Variants in MMP16 observed in about 807,000 individuals in gnomAD.
The protein encoded by MMP16 is matrix metalloproteinase-16.
In MMP16, 12 loss-of-function variants were observed where a neutral mutation model predicts 67.8. That is an observed-to-expected ratio of 0.18 (90% confidence interval 0.11 to 0.29). MMP16 has a LOEUF of 0.29. MMP16 is among the 10% of genes least tolerant of loss of function. MMP16 has a pLI of 1.00. For missense variants in MMP16, 475 were observed against 765.7 expected (o/e 0.62, Z 4.48); for synonymous variants, 249 against 255.9 (o/e 0.97, Z 0.26).
In MMP16 at chr8:88,154,875, A is replaced by G. The variant is rs1438626423; in HGVS notation, c.709+12794T>C. Reference sequence around the variant, plus strand: ...TAAAACTTAAAGTATAATACAAAAAAAAAAAGAAAAAAAAAAGAAATACGT... The same window carrying G: ...TAAAACTTAAAGTATAATACAAAAAGAAAAAGAAAAAAAAAAGAAATACGT... On this transcript the variant is annotated intron_variant, in intron 4 of 9. Transcript: ENST00000286614. 5.9e-5 allele frequency among the ~76,000 whole-genome samples: 9 copies of G among 152,000 alleles called. No individual in the cohort carries two copies. The South Asian group carries it at 8.3e-4, about 14-fold the overall frequency.
At chr8:88,105,243 G>C (rs1024089872) in intron 6 of MMP16, among the ~76,000 whole-genome samples, 1 of 149,970 alleles carries the variant, frequency 6.7e-6, no homozygotes, top group East Asian at 2.0e-4. Context: ...ATCTGGGTTT[G>C]CTTGAAAAAT....
rs892626088 is a variant in MMP16 at position 88,310,851 on chromosome 8, T to C, written c.132+16224A>G. 2.0e-5 allele frequency among the ~76,000 whole-genome samples: 3 copies of C among 152,120 alleles called. No homozygotes were observed. The East Asian group carries it at 5.8e-4, about 29-fold the overall frequency. On this transcript the variant is annotated intron_variant, in intron 1 of 9. Coordinates refer to ENST00000286614, the MANE Select transcript of MMP16 (RefSeq NM_005941.5). ...AGCAAGTATAAATTTGGCCTACATATTTCTAGACACAGGAAGACCAAAACT... is the reference window on the plus strand; with the variant it reads ...AGCAAGTATAAATTTGGCCTACATACTTCTAGACACAGGAAGACCAAAACT...
In MMP16 at chr8:88,058,669, T is replaced by C. The variant is rs1466575551; in HGVS notation, c.1223-2391A>G. 1.3e-5 allele frequency among the ~76,000 whole-genome samples: 2 copies of C among 152,066 alleles called. No individual in the cohort carries two copies. Among genetic ancestry groups the C allele is most frequent in the Non-Finnish European group, 2.9e-5 (2 of 67,984 alleles). ...AAAGGAGCCAGACCACTGAAGATTG[T>C]TTGAGGTAAAAGAAACATAAAGAAT... is the stretch of plus-strand genomic sequence containing the variant. On this transcript the variant is annotated intron_variant, in intron 7 of 9. Transcript: ENST00000286614. This position sits in a 1 kb window ranked among gnomAD's most constrained non-coding sequence, Gnocchi z 4.2.
At chr8:88,046,055 C>T (rs917245013) in intron 9 of MMP16, among the ~76,000 whole-genome samples, 2 of 152,148 alleles carry the variant, frequency 1.3e-5, no homozygotes, top group Admixed American at 1.3e-4. Context: ...TATATGCCAA[C>T]AGATAGGGGA....
chr8:88,081,919 CATATTATA>C (rs1157679324), intron 6 of MMP16, among the ~76,000 whole-genome samples: 31 of 151,976 alleles, frequency 2.0e-4, no homozygotes, highest in African/African-American at 7.2e-4. Context: ...AAAAAACAAC[CATATTATA>C]TAAAAACATT....
rs1388779704 is a variant in MMP16 at position 88,034,877 on chromosome 8, A to T, written c.*6584T>A. 2 of 151,992 alleles carry T rather than the reference A, an allele frequency of 1.3e-5. No homozygotes were observed. The highest frequency in any genetic ancestry group is 4.8e-5 in the African/African-American group (2 of 41,430). The allele number at this position is 151,992 out of a possible 1,614,324, so 9.4% of individuals were successfully genotyped here. The stretch of plus-strand genomic sequence containing the variant: ...ATAAAAGGTGGCAAGTACAAGCAGC[A>T]CCATATCCTATCCTAGGAAAATGCA... On this transcript the variant is annotated 3_prime_UTR_variant, in exon 10 of 10. Transcript: ENST00000286614.
At chr8:88,192,363 G>A (rs1809182326) in intron 2 of MMP16, among the ~76,000 whole-genome samples, 1 of 152,084 alleles carries the variant, frequency 6.6e-6, no homozygotes, top group African/African-American at 2.4e-5. Context: ...CTAAATACCT[G>A]AGCAAGAACA....
intron 7 of MMP16, among the ~76,000 whole-genome samples, chr8:88,064,293 A>G (rs932052795): frequency 6.6e-6 from 1 of 152,204 alleles, no homozygotes; most frequent in African/African-American, 2.4e-5. Context: ...TAGAATAGTC[A>G]GTAAATATTG....
At chr8:88,155,161 T>C (rs1231967772) in intron 4 of MMP16, among the ~76,000 whole-genome samples, 2 of 152,114 alleles carry the variant, frequency 1.3e-5, no homozygotes, top group East Asian at 3.9e-4. Flanking sequence ...TATATTATGT[T>C]ACTACTAAAT....
intron 1 of MMP16, among the ~76,000 whole-genome samples, chr8:88,272,014 C>A (rs539239963): frequency 1.3e-5 from 2 of 152,068 alleles, no homozygotes; most frequent in Non-Finnish European, 2.9e-5. Flanking sequence ...GGAGACAACA[C>A]GCACCTGATA....
At chr8:88,044,954 T>C (rs1457386899) in intron 9 of MMP16, among the ~76,000 whole-genome samples, 1 of 152,242 alleles carries the variant, frequency 6.6e-6, no homozygotes, top group Non-Finnish European at 1.5e-5. Flanking sequence ...AATGTGACTT[T>C]ATCATGACTT....
At chr8:88,156,942 A>G (rs1326676569) in intron 4 of MMP16, among the ~76,000 whole-genome samples, 1 of 152,126 alleles carries the variant, frequency 6.6e-6, no homozygotes, top group African/African-American at 2.4e-5. Context: ...AAGAGATTCA[A>G]TGTATATATA....
intron 3 of MMP16, among the ~76,000 whole-genome samples, chr8:88,182,263 C>CTAA (rs1285552469): frequency 6.6e-6 from 1 of 151,948 alleles, no homozygotes; most frequent in Admixed American, 6.6e-5. Context: ...TGATGAAAGA[C>CTAA]TAATATACAC....
chr8:88,083,220 C>G (rs1214718157), intron 6 of MMP16, among the ~76,000 whole-genome samples: 1 of 151,668 alleles, frequency 6.6e-6, no homozygotes, highest in Admixed American at 6.6e-5. Context: ...ACAGAATTTT[C>G]TAATTTTTTC....
At chr8:88,326,821 G>C (rs1456685343) in intron 1 of MMP16, 3 of 401,954 alleles carry the variant, frequency 7.5e-6, no homozygotes, top group African/African-American at 6.1e-5. Context: ...TGGGTGAAAA[G>C]CATGGACCGG....
At chr8:88,105,942 T>C (rs1260912122) in intron 6 of MMP16, among the ~76,000 whole-genome samples, 1 of 150,890 alleles carries the variant, frequency 6.6e-6, no homozygotes, top group African/African-American at 2.4e-5. Flanking sequence ...TTCTTAACAT[T>C]ACAGTATTAG....
At chr8:88,090,469 A>G (rs923618232) in intron 6 of MMP16, among the ~76,000 whole-genome samples, 35 of 152,012 alleles carry the variant, frequency 2.3e-4, no homozygotes, top group African/African-American at 8.4e-4. Context: ...TTATGGCTCA[A>G]GTATTTTTGT....
chr8:88,250,186 T>C (rs891170637), intron 1 of MMP16, among the ~76,000 whole-genome samples: 1 of 152,048 alleles, frequency 6.6e-6, no homozygotes, highest in Non-Finnish European at 1.5e-5. Flanking sequence ...GTTCCATTCC[T>C]GCCCGACAAA....
At chr8:88,215,813 A>G (rs141819130) in intron 1 of MMP16, among the ~76,000 whole-genome samples, 2 of 152,222 alleles carry the variant, frequency 1.3e-5, no homozygotes, top group East Asian at 1.9e-4. Flanking sequence ...GACACTTCAG[A>G]GTGTGCAGCC....
Sources: allele counts gnomAD v4.1 joint callset (sites outside exome capture counted in the v4.1 genomes callset), GRCh38; gene constraint gnomAD v4.1.1; non-coding constraint Gnocchi (gnomAD v3.1); transcripts MANE v1.5; gene names NCBI Gene and HGNC (gene_info 2026-07-23, HGNC 2026-07-21).